The following SMPD3 variants were observed in gnomAD, a reference collection of about 807,000 sequenced individuals.
The protein encoded by SMPD3 is sphingomyelin phosphodiesterase 3.
SMPD3 carries 21 observed loss-of-function variants against 55.7 expected under a neutral mutation model. The ratio of observed to expected loss-of-function variants is 0.38; its 90% CI spans 0.27 to 0.54. SMPD3 has a LOEUF of 0.54. Ranked by LOEUF, SMPD3 falls within the 20% of genes least tolerant of loss-of-function variation. The pLI is 0.80. For missense variants in SMPD3, 842 were observed against 899.6 expected, an observed-to-expected ratio of 0.94 and a Z score of 0.82; for synonymous variants, 457 against 404.3, an observed-to-expected ratio of 1.13 and a Z score of -1.56.
chr16:68,377,844 C>T (rs1246870707), intron 2 of SMPD3, among the ~76,000 whole-genome samples: 1 of 152,228 alleles, frequency 6.6e-6, no homozygotes, highest in Non-Finnish European at 1.5e-5. Flanking sequence ...TTGAATTTCT[C>T]TGGTGGTGGG....
At chr16:68,436,328 C>A (rs1351545353) in intron 1 of SMPD3, among the ~76,000 whole-genome samples, 7 of 152,096 alleles carry the variant, frequency 4.6e-5, no homozygotes, top group Non-Finnish European at 1.0e-4. Context: ...TGTCTGGACC[C>A]AACACACAAG....
chr16:68,429,673 C>A (rs1240001988), intron 1 of SMPD3, among the ~76,000 whole-genome samples: 4 of 152,208 alleles, frequency 2.6e-5, no homozygotes, highest in Non-Finnish European at 4.4e-5. Flanking sequence ...GTCCTAGTTA[C>A]TCTTGTCAGC....
rs2090236255 is a variant in SMPD3, at chr16:68,404,379, C to T, written c.-268-17720G>A. Among the ~76,000 whole-genome samples the T allele has an allele frequency of 2.0e-5, 3 of 152,160 alleles. No homozygotes were observed. The highest frequency in any genetic ancestry group is 2.1e-4 in the South Asian group (1 of 4,808). On this transcript the variant is annotated intron_variant, in intron 1 of 8. Coordinates refer to ENST00000219334, the MANE Select transcript of SMPD3 (RefSeq NM_018667.4). The surrounding 1 kb of genome is among the most constrained non-coding windows in gnomAD (Gnocchi z 4.0). ...CCTCCCAAATTGCTGAGATTACAGGCGTGAGCCACCATGACAGGGTTTCAT... is the reference window on the plus strand; with the variant it reads ...CCTCCCAAATTGCTGAGATTACAGGTGTGAGCCACCATGACAGGGTTTCAT...
intron 1 of SMPD3, among the ~76,000 whole-genome samples, chr16:68,441,635 C>A (rs2090566324): frequency 6.6e-6 from 1 of 152,010 alleles, no homozygotes; most frequent in South Asian, 2.1e-4. Context: ...ATACTTATAG[C>A]ACATCTTAAT....
intron 1 of SMPD3, among the ~76,000 whole-genome samples, chr16:68,429,020 C>A (rs139583011): frequency 2.6e-4 from 39 of 152,318 alleles, no homozygotes; most frequent in African/African-American, 9.4e-4. Flanking sequence ...TGGGAGATGA[C>A]CCCTCTCTGC....
intron 1 of SMPD3, among the ~76,000 whole-genome samples, chr16:68,435,518 G>A (rs1024630785): frequency 3.3e-5 from 5 of 151,068 alleles, no homozygotes; most frequent in African/African-American, 7.3e-5. Context: ...TTGCTCCCCC[G>A]TATCCCCTAA....
intron 1 of SMPD3, among the ~76,000 whole-genome samples, chr16:68,390,312 G>A (rs1437109699): frequency 1.3e-5 from 2 of 152,146 alleles, no homozygotes; most frequent in African/African-American, 4.8e-5. Flanking sequence ...TTTCATCAGC[G>A]GAGTCTTTGT....
Position 68,361,082 on chromosome 16 carries a change from G to A in SMPD3, c.*124C>T, listed in dbSNP as rs1448450499. 3.5e-6 allele frequency: 3 copies of A among 862,660 alleles called. No homozygotes were observed. Among genetic ancestry groups the A allele is most frequent in the Non-Finnish European group, 5.3e-6 (3 of 563,672 alleles). The allele number at this position is 862,660 out of a possible 1,614,324, so 53.4% of individuals were successfully genotyped here. A position where few individuals can be genotyped will look rare whatever the true frequency, so the allele number is the denominator to read the frequency against. On this transcript the variant is annotated 3_prime_UTR_variant, in exon 9 of 9. Transcript: ENST00000219334. Reference sequence around the variant, plus strand: ...CGCAGCTTCCAGGTTCCCGGGCACTGACTGTGGCTCCCTCCCTGTCCCTGC... The same window carrying A: ...CGCAGCTTCCAGGTTCCCGGGCACTAACTGTGGCTCCCTCCCTGTCCCTGC...
chr16:68,363,581 CAG>C (rs767667980), intron 6 of SMPD3, 22 bp from the exon 7 acceptor site: 2 of 1,609,448 alleles, frequency 1.2e-6, no homozygotes, highest in Admixed American at 3.3e-5. Flanking sequence ...GAGGGGGTGA[CAG>C]TGGTCGCTGC....
chr16:68,372,086 G>A lies in SMPD3; in HGVS notation c.96C>T (p.Asp32=), dbSNP rs778507927. The change falls in exon 3 of 9, where the codon GAC becomes GAT. Residue 32 remains aspartate (D), a synonymous_variant. Transcript: ENST00000219334. ...TGGGTATGAAGGAGGCAGCGAGCCG[G>A]TCCACCAGCCAGTAGCATGGAAAGA... ...ALIFPCYWLV[D]RLAASFIPTT... 6.2e-7 allele frequency: 1 copy of A among 1,610,460 alleles called. No individual in the cohort carries two copies. Among genetic ancestry groups the A allele is most frequent in the South Asian group, 1.1e-5 (1 of 90,496 alleles).
At chr16:68,380,277 G>A (rs547483066) in intron 2 of SMPD3, among the ~76,000 whole-genome samples, 109 of 152,378 alleles carry the variant, frequency 7.2e-4, no homozygotes, top group African/African-American at 2.5e-3. Flanking sequence ...CAGGGCTCCC[G>A]CCAGTCCTAT....
At chr16:68,385,429 C>G (rs1212384801) in intron 2 of SMPD3, among the ~76,000 whole-genome samples, 2 of 152,206 alleles carry the variant, frequency 1.3e-5, no homozygotes, top group Non-Finnish European at 2.9e-5. Flanking sequence ...AGACCTTTGC[C>G]TCTTTTTTCA....
chr16:68,376,916 A>G (rs1181137031), intron 2 of SMPD3, among the ~76,000 whole-genome samples: 39 of 152,156 alleles, frequency 2.6e-4, no homozygotes. Context: ...GGATGATCAT[A>G]AGGACAGAAA....
At chr16:68,441,723 T>C (rs1350243195) in intron 1 of SMPD3, among the ~76,000 whole-genome samples, 1 of 150,866 alleles carries the variant, frequency 6.6e-6, no homozygotes, top group Non-Finnish European at 1.5e-5. Context: ...ACTTTTCCTA[T>C]TTTTTTCTAT....
In SMPD3 at chr16:68,409,236, G is replaced by C. The variant is rs141699044; in HGVS notation, c.-268-22577C>G. On this transcript the variant is annotated intron_variant, in intron 1 of 8. Coordinates refer to ENST00000219334, the MANE Select transcript of SMPD3 (RefSeq NM_018667.4). ...CATCATCTTGCTCGAAACCTTGCCC[G>C]GAGGGCTCACTTTGGCCCCAGCAGA... Among the ~76,000 whole-genome samples the C allele has an allele frequency of 2.5e-3, 383 of 152,326 alleles. 2 individuals are homozygous for C. The highest frequency in any genetic ancestry group is 8.8e-3 in the African/African-American group (365 of 41,590).
chr16:68,390,699 G>A (rs866875434), intron 1 of SMPD3, among the ~76,000 whole-genome samples: 2 of 152,216 alleles, frequency 1.3e-5, no homozygotes, highest in South Asian at 2.1e-4. Flanking sequence ...TAACCTTCTG[G>A]GAATGCAGCC....
chr16:68,418,778 G>C (rs1300727485), intron 1 of SMPD3, among the ~76,000 whole-genome samples: 1 of 152,240 alleles, frequency 6.6e-6, no homozygotes, highest in African/African-American at 2.4e-5. Flanking sequence ...CCTGCCCCTG[G>C]CTCTGTCTCC....
chr16:68,411,635 C>T (rs2090301719), intron 1 of SMPD3, among the ~76,000 whole-genome samples: 1 of 152,202 alleles, frequency 6.6e-6, no homozygotes, highest in Non-Finnish European at 1.5e-5. Context: ...ATGAGGCCTA[C>T]ACCCAGCAGT....
chr16:68,396,737 A>G (rs1310764336), intron 1 of SMPD3, among the ~76,000 whole-genome samples: 12 of 152,238 alleles, frequency 7.9e-5, no homozygotes, highest in African/African-American at 2.9e-4. Flanking sequence ...GGGGCACAGC[A>G]GGAGCTGTGA....
Sources: gnomAD v4.1 joint callset for allele counts (sites outside exome capture counted in the v4.1 genomes callset) on GRCh38, gnomAD v4.1.1 for gene constraint, Gnocchi (gnomAD v3.1) non-coding constraint, MANE v1.5 for transcripts, NCBI Gene and HGNC (gene_info 2026-07-23, HGNC 2026-07-21) for gene names.